CDC42SE2: variants seen among roughly 807,000 people sequenced by gnomAD.
CDC42SE2 encodes the protein CDC42 small effector protein 2.
In CDC42SE2, 3 loss-of-function variants were observed where a neutral mutation model predicts 11.5. That is an observed-to-expected ratio of 0.26 (90% CI 0.12 to 0.67). The LOEUF (loss-of-function observed/expected upper bound fraction) is 0.67, where lower values mean the gene tolerates loss of function less well. Ranked by LOEUF, CDC42SE2 falls within the 30% of genes least tolerant of loss-of-function variation. The pLI is 0.80. For missense variants in CDC42SE2, 82 were observed against 106.8 expected, an observed-to-expected ratio of 0.77 and a Z score of 1.02; for synonymous variants, 33 against 34.8, an observed-to-expected ratio of 0.95 and a Z score of 0.18.
intron 1 of CDC42SE2, among the ~76,000 whole-genome samples, chr5:131,286,532 A>C (rs997061539): frequency 6.6e-6 from 1 of 151,572 alleles, no homozygotes; most frequent in Non-Finnish European, 1.5e-5. Flanking sequence ...ATAAGGCTTT[A>C]TACTCAGCGT....
At chr5:131,255,575 C>A (rs1406959271) in intron 2 of CDC42SE2, 1 of 152,164 alleles carries the variant, frequency 6.6e-6, no homozygotes, top group Non-Finnish European at 1.5e-5. Context: ...GCCTGGCCAA[C>A]ATGATGAAAC....
At chr5:131,310,948 G>A (rs1439605514) in intron 1 of CDC42SE2, among the ~76,000 whole-genome samples, 1 of 151,154 alleles carries the variant, frequency 6.6e-6, no homozygotes, top group Non-Finnish European at 1.5e-5. Flanking sequence ...TACATTTAAA[G>A]TTAATATTGT....
the CDC42SE2 span, among the ~76,000 whole-genome samples, chr5:131,211,529 G>T: frequency 6.6e-6 from 1 of 152,172 alleles, no homozygotes; most frequent in South Asian, 2.1e-4. Context: ...CATGTGTCTT[G>T]TCATTTTTTA....
Position 131,332,046 on chromosome 5 carries a change from T to C in CDC42SE2, c.-286+15902T>C, listed in dbSNP as rs1580758747. Among the ~76,000 whole-genome samples the C allele has an allele frequency of 3.3e-5, 5 of 152,302 alleles. No homozygotes were observed. The East Asian group carries it at 9.6e-4, about 29-fold the overall frequency. On this transcript the variant is annotated intron_variant, in intron 2 of 4. Coordinates refer to ENST00000505065, the MANE Select transcript of CDC42SE2 (RefSeq NM_001375635.1). ...GTTTGTTACATATGTATACATGTGCTGTGTTGGTGTGCTGCACCCATTAAC... is the reference window on the plus strand; with the variant it reads ...GTTTGTTACATATGTATACATGTGCCGTGTTGGTGTGCTGCACCCATTAAC...
chr5:131,258,900 G>T (rs181713495), intron 2 of CDC42SE2, among the ~76,000 whole-genome samples: 7 of 152,092 alleles, frequency 4.6e-5, no homozygotes, highest in African/African-American at 1.7e-4. Flanking sequence ...CACAGCACTC[G>T]GTATGCTACC....
intron 1 of CDC42SE2, among the ~76,000 whole-genome samples, chr5:131,246,660 C>A (rs1483708343): frequency 1.3e-5 from 2 of 150,812 alleles, no homozygotes; most frequent in East Asian, 3.9e-4. Flanking sequence ...TATGATGGTT[C>A]TTTTTCAGGG....
At chr5:131,364,046 A>G (rs1328112230) in intron 3 of CDC42SE2, among the ~76,000 whole-genome samples, 1 of 152,186 alleles carries the variant, frequency 6.6e-6, no homozygotes, top group Non-Finnish European at 1.5e-5. Context: ...ATTTGTAACA[A>G]TAACACTCTG....
chr5:131,216,513 A>AACAAAAC, the CDC42SE2 span, among the ~76,000 whole-genome samples: 7 of 148,036 alleles, frequency 4.7e-5, no homozygotes, highest in African/African-American at 1.8e-4. Flanking sequence ...AAAAAAAAAA[A>AACAAAAC]AAAAAAAAAC....
chr5:131,279,301 A>G (rs1280725369), intron 1 of CDC42SE2, among the ~76,000 whole-genome samples: 1 of 152,168 alleles, frequency 6.6e-6, no homozygotes, highest in African/African-American at 2.4e-5. Flanking sequence ...CTAATAGTTC[A>G]TTCCAAAGCA....
chr5:131,289,044 T>G (rs1757397965), intron 1 of CDC42SE2, among the ~76,000 whole-genome samples: 1 of 152,238 alleles, frequency 6.6e-6, no homozygotes, highest in Non-Finnish European at 1.5e-5. Flanking sequence ...TAAAAACTGC[T>G]TAATACATTT....
chr5:131,241,601 T>C (rs12055288), upstream of CDC42SE2, among the ~76,000 whole-genome samples: 2 of 152,160 alleles, frequency 1.3e-5, no homozygotes, highest in Non-Finnish European at 2.9e-5. Flanking sequence ...GAAAGTGAAT[T>C]GTCTTTCCCC....
chr5:131,291,277 A>G (rs995435096), intron 1 of CDC42SE2, among the ~76,000 whole-genome samples: 2 of 152,070 alleles, frequency 1.3e-5, no homozygotes, highest in African/African-American at 4.8e-5. Flanking sequence ...GTGGTTCCCT[A>G]CCCTGGCAGT....
intron 1 of CDC42SE2, among the ~76,000 whole-genome samples, chr5:131,312,797 G>T (rs1272206411): frequency 6.6e-6 from 1 of 152,082 alleles, no homozygotes; most frequent in East Asian, 1.9e-4. Context: ...CCCTACTTTG[G>T]CTTGCAAACG....
intron 2 of CDC42SE2, among the ~76,000 whole-genome samples, chr5:131,322,040 C>A (rs927923642): frequency 6.6e-6 from 1 of 151,566 alleles, no homozygotes; most frequent in Non-Finnish European, 1.5e-5. Flanking sequence ...TTAGTAGAGA[C>A]GGGGTTTCAC....
the CDC42SE2 span, among the ~76,000 whole-genome samples, chr5:131,236,611 G>A: frequency 6.6e-6 from 1 of 152,092 alleles, no homozygotes; most frequent in African/African-American, 2.4e-5. Flanking sequence ...ATTTTTAGTA[G>A]AGATGGGGTT....
chr5:131,320,808 C>T (rs1033629910), intron 2 of CDC42SE2, among the ~76,000 whole-genome samples: 1 of 151,976 alleles, frequency 6.6e-6, no homozygotes, highest in Non-Finnish European at 1.5e-5. Flanking sequence ...ATCAGTGGTA[C>T]AGAATAAAAA....
At chr5:131,299,711 A>G (rs758759233) in intron 1 of CDC42SE2, among the ~76,000 whole-genome samples, 1 of 152,188 alleles carries the variant, frequency 6.6e-6, no homozygotes, top group African/African-American at 2.4e-5. Context: ...TGGGCTGGAA[A>G]TGTAGATTTG....
At chr5:131,263,099 ATTTT>A (rs370938077), upstream of CDC42SE2, among the ~76,000 whole-genome samples, 3 of 137,774 alleles carry the variant, frequency 2.2e-5, no homozygotes, top group African/African-American at 2.8e-5. Flanking sequence ...CACCAGGGTA[ATTTT>A]TTTTTTTTTT....
At chr5:131,346,374 T>G (rs1317240286) in intron 2 of CDC42SE2, among the ~76,000 whole-genome samples, 1 of 152,160 alleles carries the variant, frequency 6.6e-6, no homozygotes, top group African/African-American at 2.4e-5. Flanking sequence ...TAAAACAGAC[T>G]TTAAACCAAC....
Sources: allele counts gnomAD v4.1 joint callset (sites outside exome capture counted in the v4.1 genomes callset), GRCh38; gene constraint gnomAD v4.1.1; transcripts MANE v1.5; gene names NCBI Gene and HGNC (gene_info 2026-07-23, HGNC 2026-07-21).